Variants in SGPL1 observed in about 807,000 individuals in gnomAD.
SGPL1 encodes sphingosine-1-phosphate lyase 1, also known as SP-lyase 1.
In SGPL1, 37 loss-of-function variants were observed where a neutral mutation model predicts 68.9. That is an observed-to-expected ratio of 0.54 (90% CI 0.41 to 0.71). SGPL1 has a LOEUF of 0.71. SGPL1 is among the 30% of genes least tolerant of loss of function. The pLI, the probability that SGPL1 is intolerant of heterozygous loss-of-function variation, is 0.00. For synonymous variants in SGPL1, 236 were observed against 248.5 expected (o/e 0.95, Z 0.47); for missense variants, 551 against 704.6 (o/e 0.78, Z 2.47).
chr10:70,864,871 T>C (rs1163080457), intron 7 of SGPL1, among the ~76,000 whole-genome samples: 1 of 152,276 alleles, frequency 6.6e-6, no homozygotes, highest in Non-Finnish European at 1.5e-5. Context: ...TAACCAGGTC[T>C]ATTCTGAGAT....
rs777067683 is a variant in SGPL1, at chr10:70,871,808, C to A, written c.910-29C>A. 3.7e-6 allele frequency: 6 copies of A among 1,607,510 alleles called. No homozygotes were observed. The South Asian group carries it at 6.7e-5, about 18-fold the overall frequency. On this transcript the variant is annotated intron_variant, in intron 10 of 14. Coordinates refer to ENST00000373202, the MANE Select transcript of SGPL1 (RefSeq NM_003901.4). ...TTATTATAGGGCTATAAAGGAAATT[C>A]TCTTATGTTCTTTGTTTTTTGGAAC...
chr10:70,865,335 T>C (rs1846164004), intron 7 of SGPL1, among the ~76,000 whole-genome samples: 1 of 149,644 alleles, frequency 6.7e-6, no homozygotes, highest in Non-Finnish European at 1.5e-5. Context: ...TTTTTTTTTT[T>C]CTTCCCATCT....
chr10:70,876,504 C>T, intron 13 of SGPL1, 37 bp from the exon 14 acceptor site: 1 of 1,575,860 alleles, frequency 6.3e-7, no homozygotes, highest in Admixed American at 2.0e-5. Flanking sequence ...TTTTTTCTTT[C>T]TTCAAGGTTC....
chr10:70,844,598 G>A lies in SGPL1; in HGVS notation c.153G>A (p.Leu51=), dbSNP rs375707600. ...QLIAWSVVWT[L]LIVWGYEFVF... ...TTGCATGGAGTGTCGTGTGGACCCTGCTGATAGTCTGGGGATATGAGTTTG... is the reference window on the plus strand; with the variant it reads ...TTGCATGGAGTGTCGTGTGGACCCTACTGATAGTCTGGGGATATGAGTTTG... Residue 51 remains leucine, a synonymous_variant, in exon 3 of 15, where the codon CTG becomes CTA. Coordinates refer to ENST00000373202, the MANE Select transcript of SGPL1 (RefSeq NM_003901.4). 256 of 1,613,986 alleles carry A rather than the reference G, an allele frequency of 1.6e-4. 1 individual carries two copies. Among genetic ancestry groups the A allele is most frequent in the Non-Finnish European group, 1.7e-4 (206 of 1,180,000 alleles).
At chr10:70,863,556 A>C (rs1363123415) in intron 7 of SGPL1, among the ~76,000 whole-genome samples, 2 of 152,042 alleles carry the variant, frequency 1.3e-5, no homozygotes, top group East Asian at 3.9e-4. Context: ...GCCTAGATTG[A>C]AGTTAAGTCT....
At chr10:70,816,734 C>A in intron 1 of SGPL1, 77 bp from the exon 2 acceptor site, 2 of 981,260 alleles carry the variant, frequency 2.0e-6, no homozygotes, top group Non-Finnish European at 1.7e-6. Context: ...CATAACTTGG[C>A]TGCTCTGGCG....
intron 7 of SGPL1, among the ~76,000 whole-genome samples, chr10:70,861,891 C>G (rs926404516): frequency 2.0e-5 from 3 of 152,222 alleles, no homozygotes; most frequent in Admixed American, 1.3e-4. Context: ...GGGCAGGGCT[C>G]GGGACCTGCA....
rs115224363 is a variant in SGPL1, at chr10:70,864,795, T to C, written c.616-3550T>C. Among the ~76,000 whole-genome samples, 439 of 152,334 alleles carry C rather than the reference T, an allele frequency of 2.9e-3. 3 individuals are homozygous for C. Among genetic ancestry groups the C allele is most frequent in the African/African-American group, 1.0e-2 (414 of 41,576 alleles). Reference sequence around the variant, plus strand: ...CATTGTTCTTATGCACTGTGGGTGCTTCCTGTCTGAGACCATTTGGCTGGG... The same window carrying C: ...CATTGTTCTTATGCACTGTGGGTGCCTCCTGTCTGAGACCATTTGGCTGGG... On this transcript the variant is annotated intron_variant, in intron 7 of 14. Coordinates refer to ENST00000373202, the MANE Select transcript of SGPL1 (RefSeq NM_003901.4).
rs772949427 is a variant in SGPL1 at position 70,859,428 on chromosome 10, C to T, written c.544C>T (p.Arg182Cys). Residue 182 changes from arginine (R) to cysteine (C), a missense_variant, in exon 7 of 15, where the codon CGC (arginine) becomes TGC (cysteine). By Grantham distance (180) the Arg-to-Cys change is radical. Coordinates refer to ENST00000373202, the MANE Select transcript of SGPL1 (RefSeq NM_003901.4). Reference sequence around the variant, plus strand: ...GCATCCAGATATCTTCCCAGGACTACGCAAGATAGAGGCAGAAATCGTGAG... The same window carrying T: ...GCATCCAGATATCTTCCCAGGACTATGCAAGATAGAGGCAGAAATCGTGAG... ...PLHPDIFPGL[R>C]KIEAEIVRIA... is the part of the protein sequence containing the mutation. 6.4e-6 allele frequency: 10 copies of T among 1,568,952 alleles called. No individual in the cohort carries two copies. Among genetic ancestry groups the T allele is most frequent in the South Asian group, 2.4e-5 (2 of 83,582 alleles).
At chr10:70,872,486 G>T (rs1284433396) in intron 11 of SGPL1, among the ~76,000 whole-genome samples, 1 of 152,226 alleles carries the variant, frequency 6.6e-6, no homozygotes, top group Non-Finnish European at 1.5e-5. Context: ...CAGCATTTGA[G>T]ATGGCCACGC....
chr10:70,823,933 C>T (rs555240752), intron 2 of SGPL1, among the ~76,000 whole-genome samples: 275 of 152,162 alleles, frequency 1.8e-3, no homozygotes, highest in Non-Finnish European at 3.4e-3. Context: ...TAGTCTATTT[C>T]AAAATCATGT....
chr10:70,873,726 C>T, intron 12 of SGPL1, 137 bp downstream of exon 12: 1 of 707,736 alleles, frequency 1.4e-6, no homozygotes. Flanking sequence ...AGGGCAGCAG[C>T]TTAGGGCTTA....
intron 2 of SGPL1, among the ~76,000 whole-genome samples, chr10:70,832,639 T>C (rs1845562146): frequency 6.6e-6 from 1 of 152,246 alleles, no homozygotes; most frequent in Non-Finnish European, 1.5e-5. Context: ...TTTTAGAGAA[T>C]GATGAAACTC....
intron 7 of SGPL1, among the ~76,000 whole-genome samples, chr10:70,861,921 C>T (rs1259932768): frequency 2.0e-5 from 3 of 152,240 alleles, no homozygotes; most frequent in African/African-American, 7.2e-5. Context: ...GCCTGAGCCT[C>T]CCACCCCCTC....
intron 3 of SGPL1, among the ~76,000 whole-genome samples, chr10:70,850,024 G>A (rs1845853350): frequency 6.6e-6 from 1 of 152,142 alleles, no homozygotes; most frequent in Non-Finnish European, 1.5e-5. Context: ...TGTTGTCAGA[G>A]TCAGTCGAGA....
At chr10:70,835,280 A>C (rs955761011) in intron 2 of SGPL1, among the ~76,000 whole-genome samples, 10 of 152,110 alleles carry the variant, frequency 6.6e-5, no homozygotes, top group African/African-American at 1.9e-4. Flanking sequence ...TACCATAGAG[A>C]GTTCATATAT....
intron 2 of SGPL1, among the ~76,000 whole-genome samples, chr10:70,821,754 C>T (rs946532181): frequency 1.3e-5 from 2 of 152,152 alleles, no homozygotes; most frequent in African/African-American, 4.8e-5. Context: ...ACCTGGATAT[C>T]TGTGTAGTCT....
At chr10:70,834,340 AGAAGAT>A (rs1215044541) in intron 2 of SGPL1, among the ~76,000 whole-genome samples, 1 of 152,180 alleles carries the variant, frequency 6.6e-6, no homozygotes, top group Non-Finnish European at 1.5e-5. Context: ...ATATTGAAGA[AGAAGAT>A]AGATTCTCTT....
At chr10:70,868,478 T>G in intron 8 of SGPL1, 45 bp downstream of exon 8, 2 of 1,457,366 alleles carry the variant, frequency 1.4e-6, no homozygotes, top group Non-Finnish European at 1.9e-6. Context: ...TTTGTCTGTC[T>G]GGAGTACAGC....
Sources: gnomAD v4.1 joint callset for allele counts (sites outside exome capture counted in the v4.1 genomes callset) on GRCh38, gnomAD v4.1.1 for gene constraint, MANE v1.5 for transcripts, NCBI Gene and HGNC (gene_info 2026-07-23, HGNC 2026-07-21) for gene names.